GLIS3: variants seen among roughly 807,000 people sequenced by gnomAD.
GLIS3 encodes zinc finger protein GLIS3.
In GLIS3, 53 loss-of-function variants were observed where a neutral mutation model predicts 78.6. The observed-to-expected ratio is 0.67, with a 90% confidence interval of 0.54 to 0.85. The LOEUF (loss-of-function observed/expected upper bound fraction) is 0.85. GLIS3 is among the 40% of genes least tolerant of loss of function. GLIS3 has a pLI of 0.00. For missense variants in GLIS3, 1,703 were observed against 1,231.1 expected, an observed-to-expected ratio of 1.38 and a Z score of -5.74; for synonymous variants, 684 against 509.9, an observed-to-expected ratio of 1.34 and a Z score of -4.60.
intron 2 of GLIS3, among the ~76,000 whole-genome samples, chr9:4,194,928 G>C (rs914202487): frequency 6.6e-6 from 1 of 152,226 alleles, no homozygotes; most frequent in African/African-American, 2.4e-5. Flanking sequence ...ATCCAACTGC[G>C]TACAAAGTCA....
At chr9:4,421,858 G>T in the GLIS3 span, among the ~76,000 whole-genome samples, 1 of 152,202 alleles carries the variant, frequency 6.6e-6, no homozygotes, top group Non-Finnish European at 1.5e-5. Flanking sequence ...AGGATTCAGG[G>T]ATGCCCCCTA....
At chr9:4,343,412 A>G (rs926454432) in intron 2 of GLIS3, among the ~76,000 whole-genome samples, 1 of 152,238 alleles carries the variant, frequency 6.6e-6, no homozygotes, top group African/African-American at 2.4e-5. Context: ...AGGTAAAAAA[A>G]TAACATGCTG....
At chr9:4,256,766 T>C (rs1346655153) in intron 2 of GLIS3, among the ~76,000 whole-genome samples, 1 of 150,716 alleles carries the variant, frequency 6.6e-6, no homozygotes, top group Non-Finnish European at 1.5e-5. Context: ...TTTTAAAAAT[T>C]ACACATTCAC....
At chr9:3,889,241 T>C (rs778046697) in intron 7 of GLIS3, among the ~76,000 whole-genome samples, 1 of 152,148 alleles carries the variant, frequency 6.6e-6, no homozygotes, top group Admixed American at 6.5e-5. Context: ...TAGTCAGTGC[T>C]CCCACAATGG....
the GLIS3 span, among the ~76,000 whole-genome samples, chr9:4,356,579 G>A: frequency 6.6e-6 from 1 of 152,194 alleles, no homozygotes; most frequent in African/African-American, 2.4e-5. Flanking sequence ...TCACGGTAGG[G>A]TCAAGCTGTC....
chr9:4,022,614 G>C (rs1256606602), intron 4 of GLIS3, among the ~76,000 whole-genome samples: 1 of 152,116 alleles, frequency 6.6e-6, no homozygotes, highest in Non-Finnish European at 1.5e-5. Context: ...TCCACAGTGA[G>C]ACTTGTAAAC....
the GLIS3 span, among the ~76,000 whole-genome samples, chr9:4,379,032 G>A: frequency 8.5e-5 from 13 of 152,286 alleles, no homozygotes; most frequent in East Asian, 9.7e-4. Context: ...TATAAGCTCC[G>A]TGCTGTTTTC....
chr9:3,878,299 C>T (rs1821463380), intron 8 of GLIS3, among the ~76,000 whole-genome samples: 2 of 151,952 alleles, frequency 1.3e-5, no homozygotes, highest in Admixed American at 6.6e-5. Flanking sequence ...AATGCCTGTC[C>T]TCACCATTCA....
intron 4 of GLIS3, among the ~76,000 whole-genome samples, chr9:3,952,082 C>T (rs1461389102): frequency 7.3e-6 from 1 of 136,926 alleles, no homozygotes; most frequent in Non-Finnish European, 1.5e-5. Flanking sequence ...TGACAATTCA[C>T]AAGGCAGATC....
chr9:3,855,150 C>A (rs963430267), intron 9 of GLIS3, among the ~76,000 whole-genome samples: 1 of 152,164 alleles, frequency 6.6e-6, no homozygotes, highest in Non-Finnish European at 1.5e-5. Context: ...CTTGGCAATT[C>A]AACTTTCTAT....
intron 4 of GLIS3, 73 bp downstream of exon 4, chr9:4,117,695 T>G (rs1831772303): frequency 1.3e-6 from 2 of 1,575,332 alleles, no homozygotes; most frequent in African/African-American, 2.7e-5. Context: ...TGGGCCGAGT[T>G]AGGAAAAAAC....
At chr9:4,042,036 G>C (rs1016087536) in intron 4 of GLIS3, among the ~76,000 whole-genome samples, 2 of 152,158 alleles carry the variant, frequency 1.3e-5, no homozygotes, top group Admixed American at 6.5e-5. Flanking sequence ...AACCTCTCAA[G>C]AGAGCAACTC....
At chr9:4,004,036 T>C (rs1821339063) in intron 4 of GLIS3, among the ~76,000 whole-genome samples, 1 of 152,164 alleles carries the variant, frequency 6.6e-6, no homozygotes, top group South Asian at 2.1e-4. Context: ...AACTACTTAC[T>C]CCATGTCAGG....
intron 4 of GLIS3, among the ~76,000 whole-genome samples, chr9:4,064,390 T>G (rs1205001943): frequency 6.6e-6 from 1 of 152,076 alleles, no homozygotes; most frequent in Non-Finnish European, 1.5e-5. Flanking sequence ...TACCAAAAAT[T>G]TAAAGCTTTT....
At chr9:3,948,904 T>G (rs1330189041) in intron 4 of GLIS3, among the ~76,000 whole-genome samples, 1 of 152,226 alleles carries the variant, frequency 6.6e-6, no homozygotes, top group Non-Finnish European at 1.5e-5. Context: ...ATGTTACCCA[T>G]TATCATCAAC....
chr9:4,186,398 T>C (rs1283393986), intron 2 of GLIS3, among the ~76,000 whole-genome samples: 5 of 152,068 alleles, frequency 3.3e-5, no homozygotes, highest in African/African-American at 7.2e-5. Flanking sequence ...CAGTCTATCA[T>C]TGTTGGACAT....
At chr9:4,435,745 G>C in the GLIS3 span, among the ~76,000 whole-genome samples, 7,191 of 152,022 alleles carry the variant, frequency 0.047, 274 homozygotes, top group East Asian at 0.17. Context: ...GTCAGGAGAT[G>C]GAGACCATCC....
intron 2 of GLIS3, among the ~76,000 whole-genome samples, chr9:4,218,497 C>G (rs912237176): frequency 3.9e-5 from 6 of 152,316 alleles, no homozygotes; most frequent in African/African-American, 1.4e-4. Flanking sequence ...CCAGGATGGT[C>G]TTGATCTCTT....
intron 2 of GLIS3, among the ~76,000 whole-genome samples, chr9:4,268,652 T>A (rs953840001): frequency 6.6e-6 from 1 of 152,332 alleles, no homozygotes; most frequent in South Asian, 2.1e-4. Flanking sequence ...GTTTTAAGAA[T>A]CATTATTGAT....
Sources: gnomAD v4.1 joint callset for allele counts (sites outside exome capture counted in the v4.1 genomes callset) on GRCh38, gnomAD v4.1.1 for gene constraint, MANE v1.5 for transcripts, NCBI Gene and HGNC (gene_info 2026-07-23, HGNC 2026-07-21) for gene names.